OPCML: variants seen among roughly 807,000 people sequenced by gnomAD.
OPCML encodes opioid-binding protein/cell adhesion molecule.
OPCML carries 13 observed loss-of-function variants against 37.8 expected under a neutral mutation model. The ratio of observed to expected loss-of-function variants is 0.34; its 90% CI spans 0.22 to 0.55. OPCML has a LOEUF of 0.55. Ranked by LOEUF, OPCML falls within the 20% of genes least tolerant of loss-of-function variation. The pLI is 0.91. For missense variants in OPCML, 341 were observed against 435.6 expected (o/e 0.78, Z 1.93); for synonymous variants, 176 against 168.8 (o/e 1.04, Z -0.33).
chr11:133,410,504 C>T (rs978858660), intron 1 of OPCML, among the ~76,000 whole-genome samples: 6 of 151,594 alleles, frequency 4.0e-5, no homozygotes, highest in African/African-American at 7.3e-5. Flanking sequence ...ATTGCTCCCT[C>T]GAGAAAGGCT....
chr11:132,776,581 C>T (rs1307462997), intron 2 of OPCML, among the ~76,000 whole-genome samples: 2 of 151,948 alleles, frequency 1.3e-5, no homozygotes, highest in South Asian at 2.1e-4. Context: ...CCCTCTCTCT[C>T]TCTCGCCCCT....
chr11:132,666,158 G>A (rs1368681627), intron 2 of OPCML, among the ~76,000 whole-genome samples: 1 of 152,142 alleles, frequency 6.6e-6, no homozygotes, highest in Non-Finnish European at 1.5e-5. Context: ...CCATAAGGCT[G>A]GTAATTTATA....
At chr11:133,394,723 G>A (rs550675185) in intron 1 of OPCML, among the ~76,000 whole-genome samples, 53 of 152,264 alleles carry the variant, frequency 3.5e-4, no homozygotes, top group African/African-American at 1.2e-3. Flanking sequence ...CCATGCTATT[G>A]CAAATGACAG....
intron 2 of OPCML, among the ~76,000 whole-genome samples, chr11:132,776,532 T>G (rs986550967): frequency 2.0e-5 from 3 of 151,992 alleles, no homozygotes; most frequent in African/African-American, 7.3e-5. Flanking sequence ...CTTACTCAGT[T>G]CATGCAAGAT....
At chr11:133,310,916 AATG>A (rs1286852541) in intron 1 of OPCML, among the ~76,000 whole-genome samples, 3 of 152,214 alleles carry the variant, frequency 2.0e-5, no homozygotes, top group Non-Finnish European at 2.9e-5. Flanking sequence ...AGTGAAATAT[AATG>A]ATATTTTAAA....
intron 1 of OPCML, among the ~76,000 whole-genome samples, chr11:133,451,609 G>A (rs866497177): frequency 2.6e-5 from 4 of 151,556 alleles, no homozygotes; most frequent in Admixed American, 6.6e-5. Context: ...TTGGGAGGCC[G>A]AGGGGAGCAG....
chr11:132,937,814 G>A (rs947623018), intron 2 of OPCML, among the ~76,000 whole-genome samples: 1 of 151,912 alleles, frequency 6.6e-6, no homozygotes, highest in African/African-American at 2.4e-5. Context: ...GCAAATCTCT[G>A]CAGAGACAGG....
intron 4 of OPCML, among the ~76,000 whole-genome samples, chr11:132,501,712 T>C (rs1299126149): frequency 6.6e-6 from 1 of 152,192 alleles, no homozygotes; most frequent in Non-Finnish European, 1.5e-5. Flanking sequence ...ATTTTCTCCA[T>C]CAACATAGAA....
chr11:133,046,316 A>G (rs375635556), intron 1 of OPCML, among the ~76,000 whole-genome samples: 9 of 152,366 alleles, frequency 5.9e-5, no homozygotes, highest in African/African-American at 2.2e-4. Context: ...AGCAAGAAGC[A>G]GTAGCTCATA....
At chr11:132,623,563 C>T (rs1939557456) in intron 3 of OPCML, among the ~76,000 whole-genome samples, 1 of 152,116 alleles carries the variant, frequency 6.6e-6, no homozygotes, top group African/African-American at 2.4e-5. Flanking sequence ...GTAGGTATAA[C>T]ATCGTTATTT....
intron 1 of OPCML, among the ~76,000 whole-genome samples, chr11:133,190,315 A>T (rs1464034016): frequency 3.9e-5 from 6 of 152,198 alleles, no homozygotes; most frequent in Non-Finnish European, 7.3e-5. Context: ...ATTTTAAGGG[A>T]CAAAAAAAGA....
At chr11:133,030,335 T>G (rs182940929) in intron 1 of OPCML, among the ~76,000 whole-genome samples, 3 of 152,336 alleles carry the variant, frequency 2.0e-5, no homozygotes, top group African/African-American at 7.2e-5. Context: ...TCCTGCCACA[T>G]GCTCACAAAC....
intron 1 of OPCML, among the ~76,000 whole-genome samples, chr11:133,184,426 G>T (rs148189549): frequency 6.6e-6 from 1 of 152,068 alleles, no homozygotes; most frequent in African/African-American, 2.4e-5. Flanking sequence ...ATGAGGTACC[G>T]CTGGCATGGG....
chr11:132,953,658 G>T (rs1945912157), intron 1 of OPCML, among the ~76,000 whole-genome samples: 1 of 152,104 alleles, frequency 6.6e-6, no homozygotes, highest in African/African-American at 2.4e-5. Context: ...GTATCTAACA[G>T]AATGACCATG....
Position 132,638,726 on chromosome 11 carries a change from A to G in OPCML, c.379+18361T>C, listed in dbSNP as rs367606224. On this transcript the variant is annotated intron_variant, in intron 3 of 7. Coordinates refer to ENST00000524381, the MANE Select transcript of OPCML (RefSeq NM_001012393.5). ...TGTGACCCCACCCAAAGGCAGACTCAGTGCATGAGGACTGTTTTCCATACC... is the reference window on the plus strand; with the variant it reads ...TGTGACCCCACCCAAAGGCAGACTCGGTGCATGAGGACTGTTTTCCATACC... 6.6e-5 allele frequency among the ~76,000 whole-genome samples: 10 copies of G among 152,244 alleles called. No homozygotes were observed. In the East Asian group the frequency reaches 1.2e-3, roughly 18 times the overall value.
intron 1 of OPCML, among the ~76,000 whole-genome samples, chr11:133,498,639 A>T (rs1947838494): frequency 6.6e-6 from 1 of 152,240 alleles, no homozygotes; most frequent in Admixed American, 6.5e-5. Flanking sequence ...CTCAGCTGCA[A>T]GACAAATGTA....
At chr11:132,565,199 T>C (rs2096419607) in intron 3 of OPCML, among the ~76,000 whole-genome samples, 1 of 152,154 alleles carries the variant, frequency 6.6e-6, no homozygotes, top group Non-Finnish European at 1.5e-5. Context: ...ATCTTCTCCT[T>C]TACTTCCCAG....
intron 1 of OPCML, among the ~76,000 whole-genome samples, chr11:132,955,380 G>A (rs1565365455): frequency 6.6e-6 from 1 of 152,120 alleles, no homozygotes. Flanking sequence ...TTCAGATGCA[G>A]ACCAACCAAC....
chr11:133,082,692 G>T (rs1167204787), intron 1 of OPCML, among the ~76,000 whole-genome samples: 2 of 119,046 alleles, frequency 1.7e-5, no homozygotes, highest in African/African-American at 3.2e-5. Flanking sequence ...CAGCTACGAA[G>T]CCGGGCGAGG....
Sources: allele counts gnomAD v4.1 joint callset (sites outside exome capture counted in the v4.1 genomes callset), GRCh38; gene constraint gnomAD v4.1.1; transcripts MANE v1.5; gene names NCBI Gene and HGNC (gene_info 2026-07-23, HGNC 2026-07-21).